ESRRG: variants seen among roughly 807,000 people sequenced by gnomAD.
ESRRG encodes the protein estrogen related receptor gamma.
A neutral mutation model predicts 44.0 loss-of-function variants in ESRRG; 13 were observed. The ratio of observed to expected loss-of-function variants is 0.30; its 90% CI spans 0.19 to 0.47. The LOEUF (loss-of-function observed/expected upper bound fraction) is 0.47, where lower values mean the gene tolerates loss of function less well. ESRRG is among the 20% of genes least tolerant of loss of function. The pLI is 1.00. For synonymous variants in ESRRG, 215 were observed against 214.6 expected (o/e 1.00, Z -0.02); for missense variants, 395 against 580.6 (o/e 0.68, Z 3.29).
At chr1:216,731,937 A>G (rs1261473931) in intron 2 of ESRRG, among the ~76,000 whole-genome samples, 1 of 152,234 alleles carries the variant, frequency 6.6e-6, no homozygotes, top group Non-Finnish European at 1.5e-5. Context: ...TAGTGAGAAT[A>G]GACATGGATT....
At chr1:216,908,245 C>A (rs1249341377) in intron 2 of ESRRG, among the ~76,000 whole-genome samples, 1 of 152,306 alleles carries the variant, frequency 6.6e-6, no homozygotes, top group South Asian at 2.1e-4. Flanking sequence ...ATTATATCCT[C>A]CAGCTTTCCT....
intron 2 of ESRRG, among the ~76,000 whole-genome samples, chr1:216,903,344 A>G (rs1415230376): frequency 1.3e-5 from 2 of 152,066 alleles, no homozygotes; most frequent in Non-Finnish European, 2.9e-5. Flanking sequence ...TTTTTAAGCT[A>G]AAAGGCACTT....
chr1:217,071,603 T>C (rs889285416), intron 1 of ESRRG, among the ~76,000 whole-genome samples: 1 of 152,212 alleles, frequency 6.6e-6, no homozygotes, highest in Non-Finnish European at 1.5e-5. Flanking sequence ...TAATGGCACC[T>C]TGACTAACTT....
At chr1:217,130,398 A>G (rs982025401) in intron 1 of ESRRG, among the ~76,000 whole-genome samples, 1 of 151,944 alleles carries the variant, frequency 6.6e-6, no homozygotes, top group African/African-American at 2.4e-5. Flanking sequence ...ATGCCTGGCT[A>G]ATTTTTCTTT....
At chr1:216,744,472 G>A (rs1348054485) in intron 2 of ESRRG, among the ~76,000 whole-genome samples, 2 of 79,884 alleles carry the variant, frequency 2.5e-5, no homozygotes, top group African/African-American at 9.0e-5. Flanking sequence ...TTGAATATGT[G>A]CACACAGACA....
intron 1 of ESRRG, among the ~76,000 whole-genome samples, chr1:217,119,362 T>C (rs1271823154): frequency 6.6e-6 from 1 of 152,218 alleles, no homozygotes; most frequent in East Asian, 1.9e-4. Flanking sequence ...GAAACAGTGG[T>C]AGCTCTTCAA....
intron 1 of ESRRG, among the ~76,000 whole-genome samples, chr1:217,122,303 A>G (rs2092829705): frequency 6.6e-6 from 1 of 152,198 alleles, no homozygotes; most frequent in South Asian, 2.1e-4. Flanking sequence ...GCATGTAGAC[A>G]GTAGTAGTTT....
intron 2 of ESRRG, among the ~76,000 whole-genome samples, chr1:216,890,698 T>G (rs77664883): frequency 0.014 from 2,094 of 152,288 alleles, 29 homozygotes; most frequent in Middle Eastern, 0.051. Context: ...ATTGCCTAGA[T>G]GGACACATGG....
intron 2 of ESRRG, among the ~76,000 whole-genome samples, chr1:216,913,509 G>A (rs2060749334): frequency 6.6e-6 from 1 of 152,088 alleles, no homozygotes; most frequent in South Asian, 2.1e-4. Flanking sequence ...TAATATTTAG[G>A]GTTTAAAATA....
At chr1:216,764,441 G>T (rs532738405) in intron 2 of ESRRG, among the ~76,000 whole-genome samples, 1 of 151,888 alleles carries the variant, frequency 6.6e-6, no homozygotes, top group East Asian at 1.9e-4. Context: ...GCTAATTTTT[G>T]TATTTTTAGT....
intron 2 of ESRRG, among the ~76,000 whole-genome samples, chr1:216,866,671 G>A (rs550905292): frequency 4.2e-4 from 64 of 151,632 alleles, no homozygotes; most frequent in South Asian, 3.8e-3. Flanking sequence ...CCTAGGCTCC[G>A]GTGATCCTCC....
chr1:216,532,201 T>C (rs1201797757), intron 5 of ESRRG, among the ~76,000 whole-genome samples: 1 of 152,122 alleles, frequency 6.6e-6, no homozygotes, highest in East Asian at 1.9e-4. Flanking sequence ...TTGCATACAT[T>C]AGGATGATGC....
chr1:216,769,687 G>A (rs1486477257), intron 2 of ESRRG, among the ~76,000 whole-genome samples: 1 of 152,116 alleles, frequency 6.6e-6, no homozygotes, highest in African/African-American at 2.4e-5. Context: ...AGGCACACTA[G>A]CCATAGGGAT....
chr1:216,845,732 TC>T (rs1410060950), intron 2 of ESRRG, among the ~76,000 whole-genome samples: 2 of 152,108 alleles, frequency 1.3e-5, no homozygotes, highest in Non-Finnish European at 2.9e-5. Context: ...TTGTCTTTCT[TC>T]CAAAACATCC....
intron 1 of ESRRG, among the ~76,000 whole-genome samples, chr1:217,006,256 A>C (rs907977749): frequency 6.6e-6 from 1 of 152,160 alleles, no homozygotes; most frequent in African/African-American, 2.4e-5. Flanking sequence ...ACTGAATAAT[A>C]TGATGATTAG....
chr1:217,034,895 CCAG>C (rs1236565718), intron 1 of ESRRG, among the ~76,000 whole-genome samples: 1 of 152,086 alleles, frequency 6.6e-6, no homozygotes, highest in African/African-American at 2.4e-5. Flanking sequence ...GGGTCAAGAC[CCAG>C]GATTTCCTGC....
intron 6 of ESRRG, among the ~76,000 whole-genome samples, chr1:216,515,670 A>G (rs1029717866): frequency 1.3e-5 from 2 of 152,114 alleles, no homozygotes; most frequent in Non-Finnish European, 2.9e-5. Flanking sequence ...ACTTGACTTG[A>G]AAAATGTTTA....
At chr1:216,804,079 A>G (rs2094709030) in intron 2 of ESRRG, among the ~76,000 whole-genome samples, 1 of 152,128 alleles carries the variant, frequency 6.6e-6, no homozygotes, top group African/African-American at 2.4e-5. Context: ...TCTCACACCA[A>G]GCAAGCAGTA....
chr1:216,833,190 C>A (rs1200617699), intron 2 of ESRRG, among the ~76,000 whole-genome samples: 1 of 151,028 alleles, frequency 6.6e-6, no homozygotes, highest in Non-Finnish European at 1.5e-5. Context: ...TATGGATTGA[C>A]CGTTCTGCAA....
Sources: gnomAD v4.1 joint callset for allele counts (sites outside exome capture counted in the v4.1 genomes callset) on GRCh38, gnomAD v4.1.1 for gene constraint, MANE v1.5 for transcripts, NCBI Gene and HGNC (gene_info 2026-07-23, HGNC 2026-07-21) for gene names.